FMO4: variants seen among roughly 807,000 people sequenced by gnomAD.
FMO4 encodes the protein dimethylaniline monooxygenase [N-oxide-forming] 4.
A neutral mutation model predicts 43.3 loss-of-function variants in FMO4; 38 were observed. The observed-to-expected ratio is 0.88, with a 90% CI of 0.68 to 1.15. The LOEUF is 1.15. Ranked by LOEUF, FMO4 falls within the 50% of genes most tolerant of loss-of-function variation. The probability of loss-of-function intolerance (pLI) is 0.00; values close to 1 mark genes in which losing one functional copy is unlikely to be tolerated. For missense variants in FMO4, 631 were observed against 663.3 expected, an observed-to-expected ratio of 0.95 and a Z score of 0.54; for synonymous variants, 224 against 232.2, an observed-to-expected ratio of 0.96 and a Z score of 0.32.
intron 5 of FMO4, among the ~76,000 whole-genome samples, chr1:171,325,592 A>G (rs966031823): frequency 3.9e-5 from 6 of 152,232 alleles, no homozygotes; most frequent in South Asian, 2.1e-4. Context: ...CAAGGAAACA[A>G]TATTATAAAT....
intron 9 of FMO4, among the ~76,000 whole-genome samples, chr1:171,340,487 T>A (rs1476819802): frequency 1.3e-5 from 2 of 152,214 alleles, no homozygotes; most frequent in African/African-American, 4.8e-5. Flanking sequence ...GTCATAGGGA[T>A]CAATTTTCAT....
At chr1:171,319,743 A>T in intron 2 of FMO4, 75 bp from the exon 3 acceptor site, 1 of 1,392,728 alleles carries the variant, frequency 7.2e-7, no homozygotes, top group Non-Finnish European at 1.0e-6. Flanking sequence ...AGCACTACAA[A>T]AATTGAGTCT....
rs193109778 is a variant in FMO4 at position 171,338,283 on chromosome 1, A to G, written c.1250+858A>G. 1.2e-3 allele frequency among the ~76,000 whole-genome samples: 184 copies of G among 152,192 alleles called. 1 individual carries two copies. Among genetic ancestry groups the G allele is most frequent in the Admixed American group, 0.01 (160 of 15,280 alleles). On this transcript the variant is annotated intron_variant, in intron 9 of 9. Transcript: ENST00000367749. ...GACCACCAACATCTCTCATCAGGAC[A>G]CTTGCTGCCACCTCTTACCTGGTCT... is the stretch of plus-strand genomic sequence containing the variant.
chr1:171,322,733 A>T (rs1365686911), intron 3 of FMO4, among the ~76,000 whole-genome samples: 2 of 152,204 alleles, frequency 1.3e-5, no homozygotes, highest in Non-Finnish European at 2.9e-5. Context: ...CACACATGTA[A>T]TCCAAACTAT....
At chr1:171,336,584 A>G (rs973014638) in intron 8 of FMO4, among the ~76,000 whole-genome samples, 4 of 152,074 alleles carry the variant, frequency 2.6e-5, no homozygotes, top group African/African-American at 9.6e-5. Flanking sequence ...CAAAAATGAA[A>G]ATGTTCTAAG....
Position 171,326,367 on chromosome 1 carries a change from T to C in FMO4, c.484+2067T>C, listed in dbSNP as rs572439597. Among the ~76,000 whole-genome samples, 37 of 152,324 alleles carry C rather than the reference T, an allele frequency of 2.4e-4. 1 individual carries two copies. In the South Asian group the frequency reaches 7.3e-3, roughly 30 times the overall value. On this transcript the variant is annotated intron_variant, in intron 5 of 9. Coordinates refer to ENST00000367749, the MANE Select transcript of FMO4 (RefSeq NM_002022.3). Reference sequence around the variant, plus strand: ...ACATTGCAACACATGCATACCCTTTTTAAAAATCTATATTGTCAACCTAAT... The same window carrying C: ...ACATTGCAACACATGCATACCCTTTCTAAAAATCTATATTGTCAACCTAAT...
chr1:171,319,777 C>G, intron 2 of FMO4, 41 bp from the exon 3 acceptor site: 1 of 1,600,102 alleles, frequency 6.2e-7, no homozygotes, highest in Non-Finnish European at 8.5e-7. Flanking sequence ...CCCTTCCAAA[C>G]TTATTAAATA....
intron 8 of FMO4, among the ~76,000 whole-genome samples, chr1:171,335,937 G>T (rs1410401051): frequency 6.6e-6 from 1 of 152,124 alleles, no homozygotes; most frequent in African/African-American, 2.4e-5. Flanking sequence ...ATTTTATGGT[G>T]AGCTCCAAAA....
chr1:171,339,349 G>A (rs1663258674), intron 9 of FMO4, among the ~76,000 whole-genome samples: 1 of 152,068 alleles, frequency 6.6e-6, no homozygotes, highest in South Asian at 2.1e-4. Context: ...GCAGCCCAAG[G>A]ATGATCTTTT....
chr1:171,338,239 C>G (rs549794677), intron 9 of FMO4, among the ~76,000 whole-genome samples: 66 of 152,260 alleles, frequency 4.3e-4, no homozygotes, highest in Middle Eastern at 3.4e-3. Context: ...ACTGCCCCTA[C>G]TGCTACCATC....
At chr1:171,326,402 T>A (rs1662671424) in intron 5 of FMO4, among the ~76,000 whole-genome samples, 1 of 152,192 alleles carries the variant, frequency 6.6e-6, no homozygotes, top group Non-Finnish European at 1.5e-5. Context: ...TGGAAGAAGC[T>A]GAGGCATAAA....
At chr1:171,323,327 C>A in intron 4 of FMO4, 135 bp downstream of exon 4, 1 of 627,094 alleles carries the variant, frequency 1.6e-6, no homozygotes, top group Non-Finnish European at 2.8e-6. Context: ...AAGGACTCCT[C>A]ACTTCCGCTG....
At chr1:171,317,003 G>A (rs1662225573) in intron 2 of FMO4, among the ~76,000 whole-genome samples, 1 of 152,144 alleles carries the variant, frequency 6.6e-6, no homozygotes, top group African/African-American at 2.4e-5. Flanking sequence ...CATCCCAAAG[G>A]TGCAGCAGCA....
rs956724198 is a variant in FMO4 at position 171,325,887 on chromosome 1, G to T, written c.484+1587G>T. ...TTTTGAGACAGGGTCTCACTCTGTT[G>T]CCTGAGCTGGAGTGCAGTGGTGCCA... On this transcript the variant is annotated intron_variant, in intron 5 of 9. Transcript: ENST00000367749. Among the ~76,000 whole-genome samples, 8 of 108,442 alleles carry T rather than the reference G, an allele frequency of 7.4e-5. No homozygotes were observed. The East Asian group carries it at 2.1e-3, about 29-fold the overall frequency. 71.1% of individuals were successfully genotyped at this position (108,442 alleles called of 152,430 possible).
chr1:171,334,507 C>G lies in FMO4; in HGVS notation c.924C>G (p.Thr308=), dbSNP rs201971967. The change falls in exon 8 of 10, where the codon ACC becomes ACG. Residue 308 remains threonine, a synonymous_variant. Coordinates refer to ENST00000367749, the MANE Select transcript of FMO4 (RefSeq NM_002022.3). The part of the protein sequence containing the change: ...MKTSVIEFTE[T]SAVFEDGTVE... ...CCAGCGTGATTGAATTTACAGAAAC[C>G]TCTGCTGTCTTTGAAGATGGGACAG... The G allele has an allele frequency of 6.2e-7, 1 of 1,613,790 alleles. No individual in the cohort carries two copies. The highest frequency in any genetic ancestry group is 8.5e-7 in the Non-Finnish European group (1 of 1,179,714).
intron 3 of FMO4, among the ~76,000 whole-genome samples, chr1:171,320,510 G>A (rs1249234450): frequency 1.3e-5 from 2 of 152,192 alleles, no homozygotes; most frequent in East Asian, 1.9e-4. Context: ...ATTCTTTGAA[G>A]TGGAATATTT....
chr1:171,341,911 G>T lies in FMO4; in HGVS notation c.*72G>T, dbSNP rs542181070. Reference sequence around the variant, plus strand: ...CAAGTATCTTGTGCATCCCTCCTCTGCTCTCCATCATAACTGCTATTAGCC... The same window carrying T: ...CAAGTATCTTGTGCATCCCTCCTCTTCTCTCCATCATAACTGCTATTAGCC... On this transcript the variant is annotated 3_prime_UTR_variant, in exon 10 of 10. Coordinates refer to ENST00000367749, the MANE Select transcript of FMO4 (RefSeq NM_002022.3). The T allele has an allele frequency of 1.5e-5, 19 of 1,254,678 alleles. No homozygotes were observed. In the East Asian group the frequency reaches 4.2e-4, roughly 28 times the overall value. 77.7% of individuals were successfully genotyped at this position (1,254,678 alleles called of 1,614,324 possible).
In FMO4 at chr1:171,332,892, T is replaced by C. The variant is rs548329135; in HGVS notation, c.811T>C (p.Leu271=). The stretch of plus-strand genomic sequence containing the variant: ...GAGATTTAATCATGAGGATTATGGA[T>C]TAAGTATTACCAAAGGGTACTTACA... ...NKRFNHEDYG[L]SITKGKKAKF... Residue 271 remains leucine, a synonymous_variant, in exon 7 of 10, where the codon TTA becomes CTA. Coordinates refer to ENST00000367749, the MANE Select transcript of FMO4 (RefSeq NM_002022.3). 1 of 1,394,938 alleles carries C rather than the reference T, an allele frequency of 7.2e-7. No individual in the cohort carries two copies. The highest frequency in any genetic ancestry group is 1.0e-6 in the Non-Finnish European group (1 of 980,294). The allele number at this position is 1,394,938 out of a possible 1,614,324, so 86.4% of individuals were successfully genotyped here.
rs772753816 is a variant in FMO4 at position 171,341,720 on chromosome 1, G to T, written c.1558G>T (p.Ala520Ser). 1.2e-6 allele frequency: 2 copies of T among 1,613,752 alleles called. No individual in the cohort carries two copies. The highest frequency in any genetic ancestry group is 1.7e-5 in the Admixed American group (1 of 59,920). Residue 520 changes from alanine to serine, a missense_variant, in exon 10 of 10, where the codon GCA becomes TCA. Coordinates refer to ENST00000367749, the MANE Select transcript of FMO4 (RefSeq NM_002022.3). Reference protein sequence around the residue: ...SMSHYLKAWGAPVLLASLLLI... With the variant: ...SMSHYLKAWGSPVLLASLLLI... ...GTCACATTATTTAAAAGCCTGGGGG[G>T]CACCTGTCCTACTTGCCTCTCTTCT...
Sources: gnomAD v4.1 joint callset for allele counts (sites outside exome capture counted in the v4.1 genomes callset) on GRCh38, gnomAD v4.1.1 for gene constraint, MANE v1.5 for transcripts, NCBI Gene and HGNC (gene_info 2026-07-23, HGNC 2026-07-21) for gene names.